SAMD3: variants seen among roughly 807,000 people sequenced by gnomAD.
The protein encoded by SAMD3 is sterile alpha motif domain containing 3, also known as sterile alpha motif domain-containing protein 3.
A neutral mutation model predicts 58.5 loss-of-function variants in SAMD3; 63 were observed. The ratio of observed to expected loss-of-function variants is 1.08; its 90% CI spans 0.88 to 1.33. SAMD3 has a LOEUF of 1.33. SAMD3 is among the 40% of genes most tolerant of loss of function. The pLI is 0.00. For synonymous variants in SAMD3, 220 were observed against 210.3 expected (o/e 1.05, Z -0.40); for missense variants, 604 against 608.4 (o/e 0.99, Z 0.08).
chr6:130,175,263 A>T (rs1313854258), intron 8 of SAMD3, among the ~76,000 whole-genome samples: 1 of 152,180 alleles, frequency 6.6e-6, no homozygotes, highest in Non-Finnish European at 1.5e-5. Context: ...AGGATCTCAG[A>T]CAATTGGAAT....
chr6:130,144,265 A>C, downstream of SAMD3: 2 of 462,244 alleles, frequency 4.3e-6, no homozygotes, highest in Non-Finnish European at 7.6e-6. Context: ...ACCTCTGAAA[A>C]TATAACTTAA....
chr6:130,333,340 A>T (rs1776999460), intron 1 of SAMD3, among the ~76,000 whole-genome samples: 1 of 152,186 alleles, frequency 6.6e-6, no homozygotes, highest in African/African-American at 2.4e-5. Flanking sequence ...CAAGATTTAG[A>T]CTTTTGACTT....
chr6:130,195,308 T>C (rs2326964), intron 5 of SAMD3, among the ~76,000 whole-genome samples: 120,350 of 152,002 alleles, frequency 0.79, 48,156 homozygotes, highest in African/African-American at 0.9. Flanking sequence ...CCTAATCACC[T>C]TTGCCCTGCT....
chr6:130,306,179 T>C (rs773899418), intron 2 of SAMD3, among the ~76,000 whole-genome samples: 14 of 152,326 alleles, frequency 9.2e-5, no homozygotes, highest in South Asian at 6.2e-4. Context: ...AGCAGGACAT[T>C]TTTACTTAAA....
Position 130,204,662 on chromosome 6 carries a change from T to C in SAMD3, c.383+4833A>G, listed in dbSNP as rs117596995. ...AGAAAACTGCAATGTGCCACAGCACTCTAGTGTTTCCTTGGACACCCAATT... is the reference window on the plus strand; with the variant it reads ...AGAAAACTGCAATGTGCCACAGCACCCTAGTGTTTCCTTGGACACCCAATT... On this transcript the variant is annotated intron_variant, in intron 5 of 11. Coordinates refer to ENST00000439090, the MANE Select transcript of SAMD3 (RefSeq NM_001017373.4). Among the ~76,000 whole-genome samples the C allele has an allele frequency of 1.1e-4, 17 of 150,878 alleles. No individual in the cohort carries two copies. In the East Asian group the frequency reaches 3.3e-3, roughly 29 times the overall value.
chr6:130,261,799 T>C (rs1201562741), intron 2 of SAMD3, among the ~76,000 whole-genome samples: 2 of 152,124 alleles, frequency 1.3e-5, no homozygotes, highest in South Asian at 4.1e-4. Context: ...CCTGGACAGG[T>C]CCCTTGTTTC....
intron 8 of SAMD3, among the ~76,000 whole-genome samples, chr6:130,174,336 G>A (rs1791529721): frequency 6.6e-6 from 1 of 152,218 alleles, no homozygotes; most frequent in South Asian, 2.1e-4. Flanking sequence ...CTGATCTGCA[G>A]ATTGCAAAAA....
At chr6:130,184,208 G>A in intron 6 of SAMD3, 21 bp from the exon 7 acceptor site, 1 of 1,581,236 alleles carries the variant, frequency 6.3e-7, no homozygotes, top group Non-Finnish European at 8.6e-7. Flanking sequence ...AAACAAGGAG[G>A]ATATGTTTCA....
intron 5 of SAMD3, among the ~76,000 whole-genome samples, chr6:130,186,794 G>A (rs1331074366): frequency 1.2e-4 from 13 of 109,084 alleles, no homozygotes; most frequent in South Asian, 9.8e-4. Context: ...TTTTTGAGAC[G>A]GAGTCTTGCT....
At chr6:130,169,141 C>T (rs1041347928) in intron 8 of SAMD3, among the ~76,000 whole-genome samples, 9 of 151,914 alleles carry the variant, frequency 5.9e-5, no homozygotes, top group South Asian at 4.2e-4. Context: ...AAGGAGCTAT[C>T]GACGGAAGAA....
chr6:130,201,085 T>A (rs1344479502), intron 5 of SAMD3, among the ~76,000 whole-genome samples: 7 of 152,184 alleles, frequency 4.6e-5, no homozygotes, highest in Non-Finnish European at 5.9e-5. Context: ...TATTTAAATA[T>A]CCTTTTGATG....
intron 2 of SAMD3, among the ~76,000 whole-genome samples, chr6:130,281,147 T>C (rs1027190687): frequency 1.3e-5 from 2 of 152,192 alleles, no homozygotes; most frequent in African/African-American, 4.8e-5. Context: ...TCTTTCAAAA[T>C]ATCCCATTGT....
intron 2 of SAMD3, among the ~76,000 whole-genome samples, chr6:130,271,604 G>A (rs1378516147): frequency 2.0e-5 from 3 of 152,078 alleles, no homozygotes; most frequent in African/African-American, 7.2e-5. Context: ...CACAGTTTTT[G>A]TTATTTGCGT....
intron 7 of SAMD3, among the ~76,000 whole-genome samples, chr6:130,177,361 GA>G (rs1309402207): frequency 1.3e-5 from 2 of 152,158 alleles, no homozygotes; most frequent in Non-Finnish European, 2.9e-5. Context: ...TTGAGCTCTG[GA>G]AGGATCTGTC....
intron 5 of SAMD3, among the ~76,000 whole-genome samples, chr6:130,186,044 A>G (rs771945513): frequency 5.9e-5 from 9 of 152,220 alleles, no homozygotes; most frequent in Non-Finnish European, 1.2e-4. Flanking sequence ...CTGACCACTG[A>G]GTATGCAAAA....
intron 1 of SAMD3, among the ~76,000 whole-genome samples, chr6:130,340,388 C>G (rs1357772499): frequency 2.0e-5 from 3 of 152,200 alleles, no homozygotes; most frequent in Non-Finnish European, 2.9e-5. Context: ...GATTTTGACT[C>G]TCTTGCCTCC....
At position 130,175,891 on chromosome 6, in the gene SAMD3, T is replaced by C. The variant is rs1375308322; in HGVS notation, c.772A>G (p.Lys258Glu). Residue 258 changes from lysine to glutamate, a missense_variant, in exon 8 of 12, where the codon AAA becomes GAA. Transcript: ENST00000439090. ...KFGHRRGQTR[K>E]SLADIRFDEI... ...TCAAATCTTATATCAGCAAGAGATT[T>C]CCTTGTCTGGCCTCTTCGGTGTCCA... is the stretch of plus-strand genomic sequence containing the variant. 1 of 1,613,250 alleles carries C rather than the reference T, an allele frequency of 6.2e-7. No homozygotes were observed. The highest frequency in any genetic ancestry group is 1.3e-5 in the African/African-American group (1 of 74,922).
At chr6:130,339,666 AC>A (rs1377282306) in intron 1 of SAMD3, among the ~76,000 whole-genome samples, 2 of 152,130 alleles carry the variant, frequency 1.3e-5, no homozygotes, top group Non-Finnish European at 2.9e-5. Flanking sequence ...AGTTTTTTAT[AC>A]CAGTATGAGA....
chr6:130,220,241 C>A (rs961004212), intron 1 of SAMD3, among the ~76,000 whole-genome samples: 4 of 152,162 alleles, frequency 2.6e-5, no homozygotes, highest in Non-Finnish European at 5.9e-5. Flanking sequence ...AGCTTGTGAT[C>A]CACCTGCCTC....
Sources: gnomAD v4.1 joint callset for allele counts (sites outside exome capture counted in the v4.1 genomes callset) on GRCh38, gnomAD v4.1.1 for gene constraint, MANE v1.5 for transcripts, NCBI Gene and HGNC (gene_info 2026-07-23, HGNC 2026-07-21) for gene names.